C10orf90: variants seen among roughly 807,000 people sequenced by gnomAD.
C10orf90 encodes chromosome 10 open reading frame 90.
C10orf90 carries 56 observed loss-of-function variants against 62.5 expected under a neutral mutation model. That is an observed-to-expected ratio of 0.90 (90% CI 0.72 to 1.12). The LOEUF is 1.12. C10orf90 is among the 50% of genes most tolerant of loss of function. The pLI, the probability that C10orf90 is intolerant of heterozygous loss-of-function variation, is 0.00. For missense variants in C10orf90, 970 were observed against 880.4 expected (o/e 1.10, Z -1.29); for synonymous variants, 386 against 340.4 (o/e 1.13, Z -1.47).
At chr10:126,532,799 T>C (rs1291146519) in intron 2 of C10orf90, among the ~76,000 whole-genome samples, 3 of 82,086 alleles carry the variant, frequency 3.7e-5, no homozygotes, top group African/African-American at 5.0e-5. Context: ...ATCGCGCCAC[T>C]GCACTCCAGC....
chr10:126,624,680 C>A (rs1243383962), intron 2 of C10orf90, among the ~76,000 whole-genome samples: 4 of 152,148 alleles, frequency 2.6e-5, no homozygotes, highest in African/African-American at 9.7e-5. Flanking sequence ...GCTTATGTTA[C>A]TTATCCCAGG....
At chr10:126,551,907 A>C (rs890408659) in intron 2 of C10orf90, among the ~76,000 whole-genome samples, 3 of 152,242 alleles carry the variant, frequency 2.0e-5, no homozygotes, top group African/African-American at 7.2e-5. Flanking sequence ...ATTTGCTAGA[A>C]CAAGATAGGA....
chr10:126,461,483 G>A lies in C10orf90; in HGVS notation c.1928C>T (p.Pro643Leu). 6.2e-7 allele frequency: 1 copy of A among 1,614,104 alleles called. No homozygotes were observed. Reference sequence around the variant, plus strand: ...GCCAGGGCTCCCTGCTCCATCGCGGGGTGCTGGCGAGGGTGCTGCTGGGGA... The same window carrying A: ...GCCAGGGCTCCCTGCTCCATCGCGGAGTGCTGGCGAGGGTGCTGCTGGGGA... ...EPSPAAPSPAPRDGAGSPGLS... is the reference protein window; with the variant it reads ...EPSPAAPSPALRDGAGSPGLS... The change falls in exon 6 of 10, where the codon CCC becomes CTC. Residue 643 changes from proline to leucine, a missense_variant. By Grantham distance (98) the Pro-to-Leu change is moderately conservative (BLOSUM62 -3). Transcript: ENST00000488181.
At chr10:126,517,088 G>A (rs1373111934) in intron 2 of C10orf90, among the ~76,000 whole-genome samples, 1 of 152,144 alleles carries the variant, frequency 6.6e-6, no homozygotes, top group Non-Finnish European at 1.5e-5. Flanking sequence ...CAGGGATTAA[G>A]ACATGAACAT....
At position 126,532,856 on chromosome 10, in the gene C10orf90, A is replaced by AAAAAAAAAAAAAAAAAAAAAAAAAAAC. The variant is rs1864136727; in HGVS notation, c.314-18918_314-18917insGTTTTTTTTTTTTTTTTTTTTTTTTTT. Reference sequence around the variant, plus strand: ...AGACTACGTCTCAAAAAAAAAAAAAAATAGTGAGCACAAAACAAGTGTTTT... The same window carrying AAAAAAAAAAAAAAAAAAAAAAAAAAAC: ...AGACTACGTCTCAAAAAAAAAAAAAAAAAAAAAAAAAAAAAAAAAAAAAAAACATAGTGAGCACAAAACAAGTGTTTT... On this transcript the variant is annotated intron_variant, in intron 2 of 9. Coordinates refer to ENST00000488181, the MANE Select transcript of C10orf90 (RefSeq NM_001350921.2). Among the ~76,000 whole-genome samples, 2 of 83,560 alleles carry AAAAAAAAAAAAAAAAAAAAAAAAAAAC rather than the reference A, an allele frequency of 2.4e-5. 1 individual carries two copies. The highest frequency in any genetic ancestry group is 6.0e-5 in the Non-Finnish European group (2 of 33,364). The allele number at this position is 83,560 out of a possible 152,430, so 54.8% of individuals were successfully genotyped here.
At chr10:126,634,224 G>C (rs1347187929) in intron 2 of C10orf90, among the ~76,000 whole-genome samples, 1 of 152,196 alleles carries the variant, frequency 6.6e-6, no homozygotes, top group Non-Finnish European at 1.5e-5. Context: ...GAATCAACCT[G>C]AGTGTCCATC....
At position 126,486,913 on chromosome 10, in the gene C10orf90, G is replaced by T. The variant is rs181482934; in HGVS notation, c.1534+17044C>A. ...ATCCCAGGACTTTGGGAGGCCAAGG[G>T]GGGTGGATCACCTGAGGTCAAGAGT... On this transcript the variant is annotated intron_variant, in intron 4 of 9. Transcript: ENST00000488181. Among the ~76,000 whole-genome samples the T allele has an allele frequency of 4.6e-5, 7 of 151,838 alleles. No homozygotes were observed. The East Asian group carries it at 1.2e-3, about 25-fold the overall frequency.
At chr10:126,486,010 G>C (rs1009600368) in intron 4 of C10orf90, among the ~76,000 whole-genome samples, 10 of 151,898 alleles carry the variant, frequency 6.6e-5, no homozygotes, top group Non-Finnish European at 1.3e-4. Flanking sequence ...GGCTCAGCTG[G>C]CAAGAATGTA....
intron 2 of C10orf90, among the ~76,000 whole-genome samples, chr10:126,620,138 G>A (rs1273652642): frequency 6.6e-6 from 1 of 152,048 alleles, no homozygotes; most frequent in African/African-American, 2.4e-5. Flanking sequence ...GTTTACAGCA[G>A]TTCAAGTCAG....
intron 2 of C10orf90, among the ~76,000 whole-genome samples, chr10:126,616,845 C>A (rs1283058684): frequency 6.6e-6 from 1 of 152,168 alleles, no homozygotes; most frequent in Non-Finnish European, 1.5e-5. Context: ...AACAGTAAGT[C>A]TTCCCTCTGG....
At chr10:126,658,676 A>G (rs1846444960) in intron 1 of C10orf90, among the ~76,000 whole-genome samples, 1 of 152,242 alleles carries the variant, frequency 6.6e-6, no homozygotes, top group South Asian at 2.1e-4. Context: ...ACTGTAAAAA[A>G]GTCAAGAGAC....
chr10:126,565,583 T>C (rs1341120777), intron 2 of C10orf90, among the ~76,000 whole-genome samples: 3 of 150,442 alleles, frequency 2.0e-5, no homozygotes, highest in African/African-American at 7.4e-5. Context: ...ACGTTTCCAG[T>C]GAAACGAGAA....
chr10:126,647,650 T>C (rs1416561912), intron 1 of C10orf90, among the ~76,000 whole-genome samples: 1 of 152,174 alleles, frequency 6.6e-6, no homozygotes, highest in Non-Finnish European at 1.5e-5. Flanking sequence ...TCTCTGCCCC[T>C]CCCCATGGCT....
At chr10:126,477,215 G>A (rs553630032) in intron 4 of C10orf90, among the ~76,000 whole-genome samples, 2 of 144,408 alleles carry the variant, frequency 1.4e-5, no homozygotes, top group East Asian at 4.2e-4. Flanking sequence ...CACACCACTG[G>A]CTATGAATTA....
At chr10:126,552,966 G>A (rs1174282163) in intron 2 of C10orf90, among the ~76,000 whole-genome samples, 2 of 152,142 alleles carry the variant, frequency 1.3e-5, no homozygotes, top group East Asian at 3.9e-4. Flanking sequence ...CATCGGTTGG[G>A]GGAAAAAAAT....
intron 4 of C10orf90, among the ~76,000 whole-genome samples, chr10:126,498,700 T>C (rs1330524001): frequency 6.6e-6 from 1 of 152,210 alleles, no homozygotes; most frequent in Non-Finnish European, 1.5e-5. Flanking sequence ...CCTATAGGAA[T>C]TGGCTGACTG....
intron 5 of C10orf90, among the ~76,000 whole-genome samples, chr10:126,462,298 C>T (rs2133729788): frequency 6.6e-6 from 1 of 152,222 alleles, no homozygotes; most frequent in Middle Eastern, 3.4e-3. Context: ...TGCCTCACTG[C>T]ACCTTCCCCT....
intron 1 of C10orf90, among the ~76,000 whole-genome samples, chr10:126,664,114 C>G (rs1846575403): frequency 6.6e-6 from 1 of 152,158 alleles, no homozygotes; most frequent in Non-Finnish European, 1.5e-5. Flanking sequence ...ACTGTGCATT[C>G]AGGTCCTGGC....
intron 2 of C10orf90, among the ~76,000 whole-genome samples, chr10:126,534,460 C>A (rs1276569864): frequency 2.6e-5 from 4 of 152,180 alleles, no homozygotes; most frequent in African/African-American, 9.7e-5. Context: ...TTCTCTTAGT[C>A]CTTAGGATCT....
Sources: gnomAD v4.1 joint callset for allele counts (sites outside exome capture counted in the v4.1 genomes callset) on GRCh38, gnomAD v4.1.1 for gene constraint, MANE v1.5 for transcripts, NCBI Gene and HGNC (gene_info 2026-07-23, HGNC 2026-07-21) for gene names.